The following RIMS1 variants were observed in gnomAD, a reference collection of about 807,000 sequenced individuals.
RIMS1 encodes the protein regulating synaptic membrane exocytosis 1, also known as regulating synaptic membrane exocytosis protein 1.
RIMS1 carries 83 observed loss-of-function variants against 214.1 expected under a neutral mutation model. The ratio of observed to expected loss-of-function variants is 0.39; its 90% CI spans 0.32 to 0.47. The LOEUF (loss-of-function observed/expected upper bound fraction) is 0.47, where lower values mean the gene tolerates loss of function less well. Ranked by LOEUF, RIMS1 falls within the 20% of genes least tolerant of loss-of-function variation. The probability of loss-of-function intolerance (pLI) is 0.99; values close to 1 mark genes in which losing one functional copy is unlikely to be tolerated. For synonymous variants in RIMS1, 793 were observed against 786.8 expected (o/e 1.01, Z -0.13); for missense variants, 2,050 against 2,161.8 (o/e 0.95, Z 1.03).
At chr6:72,347,680 G>C (rs1431169583) in intron 29 of RIMS1, among the ~76,000 whole-genome samples, 1 of 151,556 alleles carries the variant, frequency 6.6e-6, no homozygotes, top group East Asian at 1.9e-4. Context: ...TATCTTCCTG[G>C]GGTTCACAGA....
chr6:72,004,473 T>G (rs1411558720), intron 2 of RIMS1, among the ~76,000 whole-genome samples: 2 of 152,020 alleles, frequency 1.3e-5, no homozygotes, highest in East Asian at 3.9e-4. Context: ...TGAAGTAGTT[T>G]ACAGTCCCAC....
chr6:72,229,660 A>T (rs578262543), intron 6 of RIMS1, among the ~76,000 whole-genome samples: 1 of 151,964 alleles, frequency 6.6e-6, no homozygotes, highest in Admixed American at 6.6e-5. Context: ...GCATGGAAAC[A>T]TCTTAAATAG....
At chr6:71,898,448 C>T (rs748611160) in intron 1 of RIMS1, among the ~76,000 whole-genome samples, 3 of 152,120 alleles carry the variant, frequency 2.0e-5, no homozygotes, top group Non-Finnish European at 4.4e-5. Flanking sequence ...GTAACCCATA[C>T]ATAATAGGCC....
chr6:72,312,953 G>T (rs920074671), intron 27 of RIMS1, among the ~76,000 whole-genome samples: 1 of 151,898 alleles, frequency 6.6e-6, no homozygotes, highest in Non-Finnish European at 1.5e-5. Flanking sequence ...TCATATTTTG[G>T]TATATTTTTT....
chr6:72,137,518 C>T (rs2041473111), intron 4 of RIMS1, among the ~76,000 whole-genome samples: 2 of 151,376 alleles, frequency 1.3e-5, no homozygotes, highest in African/African-American at 4.9e-5. Flanking sequence ...TTGCTCATAA[C>T]CTTTGCTTAT....
chr6:72,157,761 C>T (rs1248547836), intron 4 of RIMS1, among the ~76,000 whole-genome samples: 2 of 140,460 alleles, frequency 1.4e-5, no homozygotes, highest in Non-Finnish European at 3.2e-5. Flanking sequence ...AATTTTCTTA[C>T]ATACTGTAGG....
intron 26 of RIMS1, among the ~76,000 whole-genome samples, chr6:72,300,594 G>T (rs1341650074): frequency 6.6e-6 from 1 of 151,712 alleles, no homozygotes; most frequent in Non-Finnish European, 1.5e-5. Context: ...AATTACACAG[G>T]TTGCTTTTTG....
At chr6:72,221,308 G>GTGTGTGTGTGTGTT (rs1434841679) in intron 6 of RIMS1, among the ~76,000 whole-genome samples, 1 of 151,634 alleles carries the variant, frequency 6.6e-6, no homozygotes, top group African/African-American at 2.4e-5. Context: ...GTGTGTGTGT[G>GTGTGTGTGTGTGTT]TGTGTGTGTG....
intron 4 of RIMS1, among the ~76,000 whole-genome samples, chr6:72,145,932 C>A (rs1199739916): frequency 6.6e-6 from 1 of 152,136 alleles, no homozygotes; most frequent in Admixed American, 6.5e-5. Context: ...GTGGAGAAAC[C>A]AGGCAGAGAG....
chr6:72,100,024 G>A (rs1275696131), intron 4 of RIMS1, 38 bp downstream of exon 4: 1 of 1,542,556 alleles, frequency 6.5e-7, no homozygotes, highest in Non-Finnish European at 8.9e-7. Flanking sequence ...ATTTGTTATT[G>A]TATTGTTGTG....
intron 6 of RIMS1, among the ~76,000 whole-genome samples, chr6:72,211,710 A>C (rs1304161963): frequency 6.6e-6 from 1 of 152,150 alleles, no homozygotes; most frequent in Non-Finnish European, 1.5e-5. Flanking sequence ...AATTAATAGG[A>C]CTATGGAGGA....
intron 18 of RIMS1, 133 bp from the exon 19 acceptor site, chr6:72,260,572 T>G: frequency 8.2e-7 from 1 of 1,213,866 alleles, no homozygotes; most frequent in Non-Finnish European, 1.2e-6. Flanking sequence ...TATTTTTGTT[T>G]AACCTCTCAA....
intron 4 of RIMS1, among the ~76,000 whole-genome samples, chr6:72,156,531 G>C (rs1363509994): frequency 1.4e-5 from 2 of 140,078 alleles, no homozygotes; most frequent in South Asian, 4.7e-4. Flanking sequence ...TGATCAATAG[G>C]TCTGGATGCC....
At chr6:71,939,002 A>G (rs1785263952) in intron 1 of RIMS1, among the ~76,000 whole-genome samples, 1 of 152,198 alleles carries the variant, frequency 6.6e-6, no homozygotes, top group Admixed American at 6.5e-5. Flanking sequence ...TATGCAGTTA[A>G]AAGAAGCCAC....
At chr6:72,287,895 T>G (rs991992920) in intron 24 of RIMS1, among the ~76,000 whole-genome samples, 2 of 152,194 alleles carry the variant, frequency 1.3e-5, no homozygotes, top group Non-Finnish European at 2.9e-5. Context: ...CCTCATTTTT[T>G]AAAAATGAGG....
intron 1 of RIMS1, among the ~76,000 whole-genome samples, chr6:71,906,843 T>C (rs1775400784): frequency 6.6e-6 from 1 of 152,168 alleles, no homozygotes; most frequent in Non-Finnish European, 1.5e-5. Flanking sequence ...TTTTCACATG[T>C]GGGCAACATT....
chr6:72,174,490 C>T (rs550889027), intron 4 of RIMS1, among the ~76,000 whole-genome samples: 4 of 152,060 alleles, frequency 2.6e-5, no homozygotes, highest in African/African-American at 9.6e-5. Flanking sequence ...TAAAATTTTA[C>T]CAAATAATTT....
intron 1 of RIMS1, among the ~76,000 whole-genome samples, chr6:71,945,240 A>G (rs1307139444): frequency 6.6e-6 from 1 of 152,224 alleles, no homozygotes; most frequent in Non-Finnish European, 1.5e-5. Context: ...ATAAGGAGAA[A>G]GAATTCTGAA....
chr6:71,971,833 T>C (rs929874785), intron 2 of RIMS1, among the ~76,000 whole-genome samples: 1 of 152,148 alleles, frequency 6.6e-6, no homozygotes, highest in Non-Finnish European at 1.5e-5. Flanking sequence ...TACCTCCCAC[T>C]GGGTCCCTCC....
Sources: allele counts gnomAD v4.1 joint callset (sites outside exome capture counted in the v4.1 genomes callset), GRCh38; gene constraint gnomAD v4.1.1; transcripts MANE v1.5; gene names NCBI Gene and HGNC (gene_info 2026-07-23, HGNC 2026-07-21).